MYO18B: variants seen among roughly 807,000 people sequenced by gnomAD.
The protein encoded by MYO18B is unconventional myosin-XVIIIb.
A neutral mutation model predicts 273.0 loss-of-function variants in MYO18B; 204 were observed. That is an observed-to-expected ratio of 0.75 (90% CI 0.67 to 0.84). MYO18B has a LOEUF of 0.84. Among genes scored for constraint, MYO18B ranks in the 40% least tolerant of loss-of-function variants. The pLI, the probability that MYO18B is intolerant of heterozygous loss-of-function variation, is 0.00. For missense variants in MYO18B, 3,212 were observed against 3,287.6 expected (o/e 0.98, Z 0.56); for synonymous variants, 1,330 against 1,305.7 (o/e 1.02, Z -0.40).
At chr22:25,785,594 C>A in intron 11 of MYO18B, 103 bp downstream of exon 11, 2 of 1,241,558 alleles carry the variant, frequency 1.6e-6, no homozygotes, top group South Asian at 1.3e-5. Context: ...TACTGGGGTT[C>A]ATAGTTGGCA....
At chr22:25,873,683 G>A (rs771980210) in intron 22 of MYO18B, among the ~76,000 whole-genome samples, 11 of 152,054 alleles carry the variant, frequency 7.2e-5, no homozygotes, top group East Asian at 5.8e-4. Context: ...CAGGTGATCC[G>A]CCCACCTCAG....
At chr22:25,963,160 C>CCTCTCTCTCTCTCCTCTTTCTCCTCTCT (rs2092936662) in intron 39 of MYO18B, among the ~76,000 whole-genome samples, 3 of 132,852 alleles carry the variant, frequency 2.3e-5, no homozygotes, top group African/African-American at 9.2e-5. Context: ...TCCTCTTTCT[C>CCTCTCTCTCTCTCCTCTTTCTCCTCTCT]CTCTCTCTCT....
chr22:25,874,422 A>G lies in MYO18B; in HGVS notation c.4080+8A>G. 1.2e-6 allele frequency: 2 copies of G among 1,611,854 alleles called. No homozygotes were observed. Among genetic ancestry groups the G allele is most frequent in the Non-Finnish European group, 1.7e-6 (2 of 1,178,852 alleles). On this transcript the variant is annotated splice_region_variant and intron_variant, in intron 23 of 43. Transcript: ENST00000335473. ...GAATTCAAGAAGCTGAAGGTACTGC[A>G]TGCCGTTCCCATGAGGAGTCTGATC... is the stretch of plus-strand genomic sequence containing the variant.
chr22:25,753,731 A>G (rs2086019493), intron 1 of MYO18B, among the ~76,000 whole-genome samples: 7 of 152,166 alleles, frequency 4.6e-5, no homozygotes, highest in Admixed American at 4.6e-4. Flanking sequence ...TGTAACATTC[A>G]CCGCGAAGGC....
chr22:25,910,097 T>C (rs1386046667), intron 32 of MYO18B, among the ~76,000 whole-genome samples: 1 of 152,174 alleles, frequency 6.6e-6, no homozygotes, highest in Admixed American at 6.5e-5. Flanking sequence ...GGGTAATTGC[T>C]GAGAAATCAG....
Position 26,028,820 on chromosome 22 carries a change from G to A in MYO18B, c.*12+1130G>A, listed in dbSNP as rs191095248. ...GGAAAATGGCATGAACCCGGGAGGC[G>A]GAGCTTGCAGTGAGCCGAGATCTCG... On this transcript the variant is annotated intron_variant, in intron 43 of 43. Coordinates refer to ENST00000335473, the MANE Select transcript of MYO18B (RefSeq NM_032608.7). Among the ~76,000 whole-genome samples, 311 of 149,090 alleles carry A rather than the reference G, an allele frequency of 2.1e-3. 2 individuals are homozygous for A. The highest frequency in any genetic ancestry group is 6.4e-3 in the African/African-American group (256 of 39,952).
At position 25,903,068 on chromosome 22, in the gene MYO18B, A is replaced by G. The variant is rs184886560; in HGVS notation, c.4947+332A>G. On this transcript the variant is annotated intron_variant, in intron 30 of 43. Transcript: ENST00000335473. ...AATGTCCTGGTCCAAGCAGGCTCCA[A>G]TGCAGAGAGATTTTACTAAAATACA... 6 of 252,560 alleles carry G rather than the reference A, an allele frequency of 2.4e-5. No individual in the cohort carries two copies. The Admixed American group carries it at 3.0e-4, about 13-fold the overall frequency. 15.6% of individuals were successfully genotyped at this position (252,560 alleles called of 1,614,324 possible).
At chr22:25,868,066 A>G (rs1389008317) in intron 21 of MYO18B, among the ~76,000 whole-genome samples, 1 of 152,158 alleles carries the variant, frequency 6.6e-6, no homozygotes, top group East Asian at 1.9e-4. Context: ...TTCATTTCGT[A>G]TCTTTGGTTT....
chr22:25,953,265 C>A (rs1293594036), intron 38 of MYO18B, among the ~76,000 whole-genome samples: 2 of 152,184 alleles, frequency 1.3e-5, no homozygotes, highest in Non-Finnish European at 2.9e-5. Context: ...AGGTTTGATA[C>A]AGTCCTGTGA....
chr22:25,947,626 C>T lies in MYO18B; in HGVS notation c.5632-86C>T, dbSNP rs139198497. 380 of 938,766 alleles carry T rather than the reference C, an allele frequency of 4.0e-4. 2 individuals carry two copies. The African/African-American group carries it at 5.8e-3, about 14-fold the overall frequency. The allele number at this position is 938,766 out of a possible 1,614,324, so 58.2% of individuals were successfully genotyped here. A position where few individuals can be genotyped will look rare whatever the true frequency, so the allele number is the denominator to read the frequency against. ...GTCACTCACCTCACACACCTATAGGCAAGCCCCTCTTTGCTCTTCCTCTGG... is the reference window on the plus strand; with the variant it reads ...GTCACTCACCTCACACACCTATAGGTAAGCCCCTCTTTGCTCTTCCTCTGG... On this transcript the variant is annotated intron_variant, in intron 35 of 43. Coordinates refer to ENST00000335473, the MANE Select transcript of MYO18B (RefSeq NM_032608.7).
intron 36 of MYO18B, among the ~76,000 whole-genome samples, chr22:25,948,494 T>G (rs2092750853): frequency 6.9e-6 from 1 of 145,802 alleles, no homozygotes; most frequent in Non-Finnish European, 1.5e-5. Flanking sequence ...TTCTCTTTCT[T>G]TCTTTCCTCT....
intron 33 of MYO18B, among the ~76,000 whole-genome samples, chr22:25,913,591 A>G (rs904556435): frequency 6.6e-6 from 1 of 152,080 alleles, no homozygotes; most frequent in Admixed American, 6.6e-5. Context: ...GATGGTTTCG[A>G]TCTCGTGACC....
In MYO18B at chr22:25,768,922, G is replaced by A. The variant is rs756813274; in HGVS notation, c.1006G>A (p.Asp336Asn). ...SKWDGPQNKK[D>N]KEGVLLSKAE... ...GTGGGACGGTCCCCAGAATAAGAAG[G>A]ACAAAGAAGGGGTGCTCTTAAGTAA... The change falls in exon 4 of 44, where the codon GAC (aspartate) becomes AAC (asparagine). Residue 336 changes from aspartate (D) to asparagine (N), a missense_variant. Physicochemically the swap from Asp to Asn is conservative, Grantham distance 23. Coordinates refer to ENST00000335473, the MANE Select transcript of MYO18B (RefSeq NM_032608.7). The A allele has an allele frequency of 5.6e-6, 9 of 1,612,532 alleles. No homozygotes were observed. In the East Asian group the frequency reaches 1.8e-4, roughly 32 times the overall value.
intron 39 of MYO18B, among the ~76,000 whole-genome samples, chr22:25,965,904 C>T (rs184540988): frequency 1.3e-5 from 2 of 152,242 alleles, no homozygotes; most frequent in East Asian, 1.9e-4. Context: ...GTCCCCATAC[C>T]CTGTTAGAAG....
rs537597758 is a variant in MYO18B at position 25,956,535 on chromosome 22, T to A, written c.6156+1171T>A. Among the ~76,000 whole-genome samples, 4 of 152,114 alleles carry A rather than the reference T, an allele frequency of 2.6e-5. 1 individual carries two copies. In the East Asian group the frequency reaches 7.7e-4, roughly 29 times the overall value. ...CCGGCCCCAAGGAACATTTTAAAAT[T>A]TGTTTCTTGCCTAATGGGAAGGTTT... is the stretch of plus-strand genomic sequence containing the variant. On this transcript the variant is annotated intron_variant, in intron 39 of 43. Coordinates refer to ENST00000335473, the MANE Select transcript of MYO18B (RefSeq NM_032608.7).
At chr22:25,941,850 C>T (rs552402165) in intron 34 of MYO18B, among the ~76,000 whole-genome samples, 48 of 152,286 alleles carry the variant, frequency 3.2e-4, no homozygotes, top group Non-Finnish European at 6.8e-4. Context: ...TCTACCCATC[C>T]CAGTGGAACA....
chr22:25,776,643 A>T (rs1254740978), intron 7 of MYO18B, among the ~76,000 whole-genome samples: 1 of 152,222 alleles, frequency 6.6e-6, no homozygotes, highest in Non-Finnish European at 1.5e-5. Context: ...AGGTTGGGTG[A>T]TTATCCTAGT....
rs536376639 is a variant in MYO18B at position 25,885,754 on chromosome 22, T to C, written c.4315-5002T>C. ...TCTTAGGATTATTTCCTCTTTGTGC[T>C]GAAACACTTGGGGGGCCCTAATGGC... On this transcript the variant is annotated intron_variant, in intron 25 of 43. Coordinates refer to ENST00000335473, the MANE Select transcript of MYO18B (RefSeq NM_032608.7). Among the ~76,000 whole-genome samples the C allele has an allele frequency of 1.6e-4, 25 of 152,226 alleles. No individual in the cohort carries two copies. In the South Asian group the frequency reaches 5.0e-3, roughly 30 times the overall value.
intron 10 of MYO18B, among the ~76,000 whole-genome samples, chr22:25,783,427 T>G (rs1326768870): frequency 2.6e-5 from 4 of 152,204 alleles, no homozygotes; most frequent in Non-Finnish European, 4.4e-5. Flanking sequence ...GCCCTGAACA[T>G]AGGAATCCCA....
Sources: allele counts gnomAD v4.1 joint callset (sites outside exome capture counted in the v4.1 genomes callset), GRCh38; gene constraint gnomAD v4.1.1; transcripts MANE v1.5; gene names NCBI Gene and HGNC (gene_info 2026-07-23, HGNC 2026-07-21).